Variants in HS6ST3 observed in about 807,000 individuals in gnomAD.
The protein encoded by HS6ST3 is heparan-sulfate 6-O-sulfotransferase 3.
Under a neutral mutation model 36.7 loss-of-function variants are expected in HS6ST3, and 12 were observed. That is an observed-to-expected ratio of 0.33 (90% CI 0.21 to 0.53). HS6ST3 has a LOEUF of 0.53. Ranked by LOEUF, HS6ST3 falls within the 20% of genes least tolerant of loss-of-function variation. The probability of loss-of-function intolerance (pLI) is 0.95; values close to 1 mark genes in which losing one functional copy is unlikely to be tolerated. For synonymous variants in HS6ST3, 240 were observed against 257.5 expected (o/e 0.93, Z 0.65); for missense variants, 584 against 640.9 (o/e 0.91, Z 0.96).
At chr13:96,381,384 A>ATGTATCTG (rs1179612320) in intron 1 of HS6ST3, among the ~76,000 whole-genome samples, 2,020 of 66,374 alleles carry the variant, frequency 0.03, 59 homozygotes, top group African/African-American at 0.093. Flanking sequence ...CCATCTATCT[A>ATGTATCTG]TGTATCTATG....
At chr13:96,224,659 A>G (rs965771344) in intron 1 of HS6ST3, among the ~76,000 whole-genome samples, 1 of 152,178 alleles carries the variant, frequency 6.6e-6, no homozygotes, top group South Asian at 2.1e-4. Context: ...TTGCTTATAT[A>G]TGTTCACAGT....
intron 1 of HS6ST3, among the ~76,000 whole-genome samples, chr13:96,194,830 T>A (rs566033654): frequency 6.6e-6 from 1 of 152,192 alleles, no homozygotes; most frequent in South Asian, 2.1e-4. Flanking sequence ...TAGTTTGACT[T>A]CTTTAGACTC....
intron 1 of HS6ST3, among the ~76,000 whole-genome samples, chr13:96,699,328 A>G (rs1040407751): frequency 7.2e-5 from 11 of 152,240 alleles, no homozygotes; most frequent in African/African-American, 2.7e-4. Context: ...ACAGAATGGG[A>G]GAAAATTTTT....
At chr13:96,380,657 A>C (rs1050376990) in intron 1 of HS6ST3, among the ~76,000 whole-genome samples, 1 of 152,300 alleles carries the variant, frequency 6.6e-6, no homozygotes, top group Middle Eastern at 3.4e-3. Context: ...TCTTTTCCAA[A>C]CATATATCAA....
chr13:96,114,151 CT>C (rs368883179), intron 1 of HS6ST3, among the ~76,000 whole-genome samples: 5,631 of 148,622 alleles, frequency 0.038, 172 homozygotes, highest in African/African-American at 0.084. Flanking sequence ...TATAATAATT[CT>C]TTTTTTTTTC....
At chr13:96,626,910 A>T (rs1278597880) in intron 1 of HS6ST3, among the ~76,000 whole-genome samples, 1 of 152,112 alleles carries the variant, frequency 6.6e-6, no homozygotes, top group Non-Finnish European at 1.5e-5. Flanking sequence ...TGTATCTAAC[A>T]GTTTTGCTGA....
chr13:96,400,197 GCAGACACACATATACACA>G (rs2055442921), intron 1 of HS6ST3, among the ~76,000 whole-genome samples: 1 of 112,712 alleles, frequency 8.9e-6, no homozygotes, highest in South Asian at 2.9e-4. Flanking sequence ...ACACATATAT[GCAGACACACATATACACA>G]CAGACACAGA....
At chr13:96,332,686 T>C (rs1449375108) in intron 1 of HS6ST3, among the ~76,000 whole-genome samples, 1 of 152,244 alleles carries the variant, frequency 6.6e-6, no homozygotes, top group African/African-American at 2.4e-5. Flanking sequence ...CCGAAGGGAT[T>C]GCAACGAAAC....
chr13:96,572,355 G>T (rs532642930), intron 1 of HS6ST3, among the ~76,000 whole-genome samples: 1 of 152,204 alleles, frequency 6.6e-6, no homozygotes, highest in East Asian at 1.9e-4. Context: ...TCTACTCTCT[G>T]GAGAGAAAAG....
At chr13:96,762,121 A>G (rs1219813752) in intron 1 of HS6ST3, among the ~76,000 whole-genome samples, 3 of 152,152 alleles carry the variant, frequency 2.0e-5, no homozygotes, top group Admixed American at 1.3e-4. Flanking sequence ...ATTGCTTGCA[A>G]TTAAAATCTG....
rs145226371 is a variant in HS6ST3 at position 96,200,509 on chromosome 13, T to G, written c.707+108940T>G. On this transcript the variant is annotated intron_variant, in intron 1 of 1. Coordinates refer to ENST00000376705, the MANE Select transcript of HS6ST3 (RefSeq NM_153456.4). ...GCACTCTTATAAAGCATACCTTGGC[T>G]ATACTATCTAAAGTTGCAACTTGGC... 5.4e-3 allele frequency among the ~76,000 whole-genome samples: 824 copies of G among 152,292 alleles called. 2 individuals carry two copies. The highest frequency in any genetic ancestry group is 0.013 in the Admixed American group (196 of 15,282).
At chr13:96,490,285 G>T (rs2055938098) in intron 1 of HS6ST3, among the ~76,000 whole-genome samples, 1 of 152,048 alleles carries the variant, frequency 6.6e-6, no homozygotes, top group South Asian at 2.1e-4. Flanking sequence ...GCAGAATAAG[G>T]GCATCTGACA....
chr13:96,278,099 A>G (rs888664558), intron 1 of HS6ST3, among the ~76,000 whole-genome samples: 1 of 152,140 alleles, frequency 6.6e-6, no homozygotes, highest in Non-Finnish European at 1.5e-5. Context: ...GAAACTTGCT[A>G]TTTATCTATA....
At chr13:96,670,219 C>T (rs1185378807) in intron 1 of HS6ST3, among the ~76,000 whole-genome samples, 1 of 152,040 alleles carries the variant, frequency 6.6e-6, no homozygotes, top group Admixed American at 6.6e-5. Context: ...GAGTGGCTAG[C>T]TGTGTTTAAT....
At chr13:96,368,118 T>G (rs1362900817) in intron 1 of HS6ST3, among the ~76,000 whole-genome samples, 4 of 152,166 alleles carry the variant, frequency 2.6e-5, no homozygotes, top group African/African-American at 7.2e-5. Context: ...GGGAACGCCT[T>G]TATTGCTTTT....
chr13:96,351,419 T>G (rs2055183728), intron 1 of HS6ST3, among the ~76,000 whole-genome samples: 1 of 151,168 alleles, frequency 6.6e-6, no homozygotes, highest in Admixed American at 6.6e-5. Context: ...CCTACTGGGC[T>G]CAGGTGATCA....
rs922439937 is a variant in HS6ST3 at position 96,474,361 on chromosome 13, G to A, written c.708-358129G>A. ...TTAGCATTGAGTAGGTTAGCTTAGGGACTGGCGTGACTGTGTTCAAACGGA... is the reference window on the plus strand; with the variant it reads ...TTAGCATTGAGTAGGTTAGCTTAGGAACTGGCGTGACTGTGTTCAAACGGA... On this transcript the variant is annotated intron_variant, in intron 1 of 1. Coordinates refer to ENST00000376705, the MANE Select transcript of HS6ST3 (RefSeq NM_153456.4). Among the ~76,000 whole-genome samples, 4 of 152,158 alleles carry A rather than the reference G, an allele frequency of 2.6e-5. No homozygotes were observed. The East Asian group carries it at 5.8e-4, about 22-fold the overall frequency.
chr13:96,197,385 C>T (rs1001917570), intron 1 of HS6ST3, among the ~76,000 whole-genome samples: 4 of 152,194 alleles, frequency 2.6e-5, no homozygotes, highest in Non-Finnish European at 4.4e-5. Context: ...CCCTGGGTCC[C>T]TCCCACAACA....
At chr13:96,303,172 T>C (rs951968355) in intron 1 of HS6ST3, among the ~76,000 whole-genome samples, 2 of 152,246 alleles carry the variant, frequency 1.3e-5, no homozygotes, top group Non-Finnish European at 2.9e-5. Context: ...TACAGTTTCA[T>C]ATTAATGTTT....
Sources: gnomAD v4.1 joint callset for allele counts (sites outside exome capture counted in the v4.1 genomes callset) on GRCh38, gnomAD v4.1.1 for gene constraint, MANE v1.5 for transcripts, NCBI Gene and HGNC (gene_info 2026-07-23, HGNC 2026-07-21) for gene names.